Variants in FLT3LG observed in about 807,000 individuals in gnomAD.
FLT3LG encodes fms-related tyrosine kinase 3 ligand.
Under a neutral mutation model 30.9 loss-of-function variants are expected in FLT3LG, and 8 were observed. The observed-to-expected ratio is 0.26, with a 90% CI of 0.15 to 0.47. The LOEUF (loss-of-function observed/expected upper bound fraction) is 0.47, where lower values mean the gene tolerates loss of function less well. FLT3LG is among the 20% of genes least tolerant of loss of function. The probability of loss-of-function intolerance (pLI) is 0.99; values close to 1 mark genes in which losing one functional copy is unlikely to be tolerated. For missense variants in FLT3LG, 278 were observed against 306.2 expected, an observed-to-expected ratio of 0.91 and a Z score of 0.69; for synonymous variants, 123 against 135.9, an observed-to-expected ratio of 0.91 and a Z score of 0.66.
intron 1 of FLT3LG, 31 bp from the exon 2 acceptor site, chr19:49,474,572 G>T: frequency 7.1e-6 from 11 of 1,544,754 alleles, no homozygotes; most frequent in Non-Finnish European, 9.8e-6. Context: ...GGGCATGAGG[G>T]TCCGAGACTT....
chr19:49,474,644 C>G lies in FLT3LG; in HGVS notation c.5C>G (p.Thr2Arg). The G allele has an allele frequency of 6.2e-7, 1 of 1,612,736 alleles. No individual in the cohort carries two copies. The highest frequency in any genetic ancestry group is 8.5e-7 in the Non-Finnish European group (1 of 1,179,712). Reference protein sequence around the residue: MTVLAPAWSPTT... With the variant: MRVLAPAWSPTT... ...CATGAGGGGCCCCCGGCCGAAATGA[C>G]AGTGCTGGCGCCAGCCTGGAGCCCA... is the stretch of plus-strand genomic sequence containing the variant. The change falls in exon 2 of 9, where the codon ACA becomes AGA. Residue 2 changes from threonine (T) to arginine (R), a missense_variant. By Grantham distance (71) the Thr-to-Arg change is moderately conservative. Around this residue, in one of 3 missense-constraint regions of FLT3LG, gnomAD observed 40 missense variants for 34.3 expected, o/e 1.17. Transcript: ENST00000597551.
At chr19:49,481,031 CAAAA>C (rs57522107) in intron 8 of FLT3LG, 8 of 88,342 alleles carry the variant, frequency 9.1e-5, no homozygotes, top group Admixed American at 2.4e-4. Flanking sequence ...GACTCCGTCT[CAAAA>C]AAAAAAAAAA....
chr19:49,475,457 A>T (rs575539298), intron 2 of FLT3LG, among the ~76,000 whole-genome samples: 275 of 144,590 alleles, frequency 1.9e-3, no homozygotes, highest in Non-Finnish European at 3.5e-3. Flanking sequence ...GGAGATGGGG[A>T]GAGAGAGGGG....
intron 6 of FLT3LG, 26 bp downstream of exon 6, chr19:49,479,073 CCTT>C: frequency 6.3e-7 from 1 of 1,591,352 alleles, no homozygotes; most frequent in Non-Finnish European, 8.6e-7. Flanking sequence ...CACCCCCACT[CCTT>C]CCCCTCCTGT....
chr19:49,474,631 C>G lies in FLT3LG; in HGVS notation c.-9C>G. The G allele has an allele frequency of 1.9e-6, 3 of 1,612,646 alleles. No homozygotes were observed. The highest frequency in any genetic ancestry group is 1.7e-5 in the Admixed American group (1 of 59,884). On this transcript the variant is annotated 5_prime_UTR_variant, in exon 2 of 9. Coordinates refer to ENST00000597551, the MANE Select transcript of FLT3LG (RefSeq NM_001459.4). ...CGGCGACAGGAGGCATGAGGGGCCC[C>G]CGGCCGAAATGACAGTGCTGGCGCC...
intron 8 of FLT3LG, among the ~76,000 whole-genome samples, chr19:49,484,288 ATTTTTTT>A (rs745909519): frequency 2.0e-5 from 2 of 98,334 alleles, no homozygotes; most frequent in Admixed American, 1.1e-4. Flanking sequence ...TTTTATTATA[ATTTTTTT>A]TTTTTTTTTT....
chr19:49,477,152 CT>C (rs1327487458), intron 5 of FLT3LG, among the ~76,000 whole-genome samples: 1 of 151,848 alleles, frequency 6.6e-6, no homozygotes, highest in Admixed American at 6.6e-5. Flanking sequence ...AAAAACCTCT[CT>C]CTGAGGGCTG....
In FLT3LG at chr19:49,480,581, G is replaced by C; in HGVS notation, c.690G>C (p.Leu230=). ...QVPPVPSPQD[L]LLVEH is the part of the protein sequence containing the mutation. ...CCCCCGTCCCCAGTCCCCAGGACCT[G>C]CTGCTTGTGGAGCACTGACCTGGCC... is the stretch of plus-strand genomic sequence containing the variant. The change falls in exon 8 of 9, where the codon CTG becomes CTC. Residue 230 remains leucine (L), a synonymous_variant. Coordinates refer to ENST00000597551, the MANE Select transcript of FLT3LG (RefSeq NM_001459.4). 2 of 1,613,390 alleles carry C rather than the reference G, an allele frequency of 1.2e-6. No homozygotes were observed. Among genetic ancestry groups the C allele is most frequent in the Non-Finnish European group, 1.7e-6 (2 of 1,179,752 alleles).
At position 49,479,036 on chromosome 19, in the gene FLT3LG, A is replaced by G. The variant is rs142398567; in HGVS notation, c.470A>G (p.Gln157Arg). 3 of 1,607,982 alleles carry G rather than the reference A, an allele frequency of 1.9e-6. No homozygotes were observed. The highest frequency in any genetic ancestry group is 1.1e-5 in the South Asian group (1 of 89,760). ...RQNFSRCLELQCQPDSSTLPP... is the reference protein window; with the variant it reads ...RQNFSRCLELRCQPDSSTLPP... ...AACTTCTCCCGGTGCCTGGAGCTGC[A>G]GTGTCAGCCCGGTAAAGGCTTCCAG... The change falls in exon 6 of 9, where the codon CAG becomes CGG. Residue 157 changes from glutamine to arginine, a missense_variant. Physicochemically the swap from Gln to Arg is conservative, Grantham distance 43 (BLOSUM62 1). Transcript: ENST00000597551.
At chr19:49,480,948 C>T in intron 8 of FLT3LG, 1 of 218,402 alleles carries the variant, frequency 4.6e-6, no homozygotes, top group Non-Finnish European at 9.1e-6. Flanking sequence ...AGGAGAATTG[C>T]TTGAACCCAG....
chr19:49,475,029 G>T, intron 2 of FLT3LG, among the ~76,000 whole-genome samples: 1 of 121,282 alleles, frequency 8.2e-6, no homozygotes. Context: ...GGAGGGAGAT[G>T]GACAGAGAAG....
chr19:49,483,464 G>A (rs1293327077), intron 8 of FLT3LG, among the ~76,000 whole-genome samples: 1 of 152,074 alleles, frequency 6.6e-6, no homozygotes, highest in African/African-American at 2.4e-5. Flanking sequence ...TAAATTTCAT[G>A]AAATTTACAG....
At chr19:49,480,116 T>G (rs1464682795) in intron 6 of FLT3LG, among the ~76,000 whole-genome samples, 182 bp from the exon 7 acceptor site, 1 of 152,236 alleles carries the variant, frequency 6.6e-6, no homozygotes, top group African/African-American at 2.4e-5. Context: ...TTCACTCATT[T>G]AATTTGTGAC....
intron 8 of FLT3LG, among the ~76,000 whole-genome samples, chr19:49,485,573 G>A (rs1051882136): frequency 1.5e-4 from 23 of 152,218 alleles, no homozygotes; most frequent in Non-Finnish European, 2.2e-4. Context: ...TAGTAGAAAC[G>A]GTTTCTCCAT....
intron 5 of FLT3LG, 143 bp from the exon 6 acceptor site, chr19:49,478,766 T>G (rs530667392): frequency 3.5e-6 from 2 of 567,354 alleles, no homozygotes; most frequent in African/African-American, 1.0e-4. Context: ...CAAAAAAAAA[T>G]TAATTAATTA....
chr19:49,485,772 C>T (rs958175302), intron 8 of FLT3LG, among the ~76,000 whole-genome samples: 11 of 152,218 alleles, frequency 7.2e-5, no homozygotes, highest in African/African-American at 2.4e-4. Context: ...CCAGCCTCAG[C>T]CTCCCAAACT....
chr19:49,479,294 A>T (rs542587485), intron 6 of FLT3LG, among the ~76,000 whole-genome samples: 29 of 148,002 alleles, frequency 2.0e-4, no homozygotes, highest in South Asian at 6.3e-4. Context: ...TCTCGGGTTC[A>T]TGCCATTCTC....
At chr19:49,475,850 C>CTT (rs61254172) in intron 3 of FLT3LG, 49 bp downstream of exon 3, 65 of 1,328,646 alleles carry the variant, frequency 4.9e-5, no homozygotes, top group Non-Finnish European at 5.5e-5. Flanking sequence ...CTTCCCCCCA[C>CTT]TTTTTTTTTT....
intron 5 of FLT3LG, among the ~76,000 whole-genome samples, chr19:49,477,230 C>T (rs1312198840): frequency 6.6e-6 from 1 of 152,022 alleles, no homozygotes; most frequent in Non-Finnish European, 1.5e-5. Flanking sequence ...TATTTGAGCC[C>T]AGGAGTTCAA....
Sources: gnomAD v4.1 joint callset for allele counts (sites outside exome capture counted in the v4.1 genomes callset) on GRCh38, gnomAD v4.1.1 for gene constraint, gnomAD v4.1.1 regional missense constraint, MANE v1.5 for transcripts, NCBI Gene and HGNC (gene_info 2026-07-23, HGNC 2026-07-21) for gene names.